GPC6: variants seen among roughly 807,000 people sequenced by gnomAD.
GPC6 encodes the protein glypican-6.
Under a neutral mutation model 55.2 loss-of-function variants are expected in GPC6, and 14 were observed. That is an observed-to-expected ratio of 0.25 (90% CI 0.17 to 0.40). GPC6 has a LOEUF of 0.40. GPC6 is among the 10% of genes least tolerant of loss of function. The pLI is 1.00. For synonymous variants in GPC6, 278 were observed against 259.6 expected, an observed-to-expected ratio of 1.07 and a Z score of -0.68; for missense variants, 641 against 708.5, an observed-to-expected ratio of 0.90 and a Z score of 1.08.
chr13:93,218,318 TA>T, the GPC6 span, among the ~76,000 whole-genome samples: 12 of 152,282 alleles, frequency 7.9e-5, no homozygotes, highest in African/African-American at 2.9e-4. Flanking sequence ...TGATGTGTTA[TA>T]TGAAGCTAAA....
chr13:93,305,253 G>T (rs1173058221), intron 1 of GPC6, among the ~76,000 whole-genome samples: 10 of 149,418 alleles, frequency 6.7e-5, no homozygotes, highest in African/African-American at 2.0e-4. Context: ...CGTTTTTTTT[G>T]TGTGTGTGTT....
chr13:93,552,393 G>A (rs1875206432), intron 2 of GPC6, among the ~76,000 whole-genome samples: 1 of 151,982 alleles, frequency 6.6e-6, no homozygotes, highest in African/African-American at 2.4e-5. Context: ...TAAATGTGGT[G>A]CATGTAGAAC....
At chr13:93,980,805 A>G (rs1306449548) in intron 3 of GPC6, among the ~76,000 whole-genome samples, 1 of 151,948 alleles carries the variant, frequency 6.6e-6, no homozygotes, top group East Asian at 1.9e-4. Context: ...GGTGCTCTGG[A>G]GCTCCTCTTT....
intron 1 of GPC6, among the ~76,000 whole-genome samples, chr13:93,510,316 C>T (rs964749990): frequency 2.0e-5 from 3 of 152,096 alleles, no homozygotes; most frequent in African/African-American, 7.2e-5. Context: ...TCTTCCCTCT[C>T]CCCCAAATCA....
intron 1 of GPC6, among the ~76,000 whole-genome samples, chr13:93,472,444 G>T (rs373884832): frequency 6.6e-6 from 1 of 152,202 alleles, no homozygotes; most frequent in Non-Finnish European, 1.5e-5. Flanking sequence ...CTGTAGACAC[G>T]CTGGCTGCTG....
rs1172760699 is a variant in GPC6 at position 94,329,988 on chromosome 13, A to G, written c.1152+23865A>G. ...AGGTACTGCGCATTGCTGAACTTGA[A>G]TATGCCTTCTGAGAGGCTCCTACCA... On this transcript the variant is annotated intron_variant, in intron 6 of 8. Transcript: ENST00000377047. 2.0e-5 allele frequency among the ~76,000 whole-genome samples: 3 copies of G among 152,194 alleles called. No individual in the cohort carries two copies. In the East Asian group the frequency reaches 5.8e-4, roughly 29 times the overall value.
intron 1 of GPC6, among the ~76,000 whole-genome samples, chr13:93,375,291 A>G (rs1198793457): frequency 6.6e-6 from 1 of 152,220 alleles, no homozygotes; most frequent in Non-Finnish European, 1.5e-5. Context: ...CGGTAATGTA[A>G]TAACACAGCA....
At chr13:93,970,264 G>A (rs571589878) in intron 3 of GPC6, among the ~76,000 whole-genome samples, 2 of 152,118 alleles carry the variant, frequency 1.3e-5, no homozygotes, top group Admixed American at 6.6e-5. Context: ...AAAAATTTGG[G>A]GTGCCATAAA....
intron 3 of GPC6, among the ~76,000 whole-genome samples, chr13:93,854,632 A>T (rs893773489): frequency 6.6e-6 from 1 of 151,774 alleles, no homozygotes; most frequent in African/African-American, 2.4e-5. Context: ...TTTAAGAAGC[A>T]TCTACATACA....
intron 2 of GPC6, among the ~76,000 whole-genome samples, chr13:93,795,156 A>G (rs1313833686): frequency 6.6e-6 from 1 of 152,242 alleles, no homozygotes; most frequent in Non-Finnish European, 1.5e-5. Flanking sequence ...CAAGTTTATT[A>G]CATCTACCCT....
chr13:93,503,610 C>T (rs1243050872), intron 1 of GPC6, among the ~76,000 whole-genome samples: 1 of 152,052 alleles, frequency 6.6e-6, no homozygotes, highest in Non-Finnish European at 1.5e-5. Context: ...CCTGTTATTG[C>T]TGGATATTCC....
intron 1 of GPC6, among the ~76,000 whole-genome samples, chr13:93,401,316 A>G (rs918154656): frequency 1.3e-5 from 2 of 151,968 alleles, no homozygotes; most frequent in African/African-American, 4.8e-5. Context: ...ACAGTCAACA[A>G]GGGAGGGCAG....
At chr13:94,027,111 C>T (rs1242634959) in intron 3 of GPC6, among the ~76,000 whole-genome samples, 1 of 152,162 alleles carries the variant, frequency 6.6e-6, no homozygotes, top group Admixed American at 6.5e-5. Context: ...ATTTCATTGT[C>T]AGTGGATACG....
intron 4 of GPC6, among the ~76,000 whole-genome samples, chr13:94,112,956 C>T (rs985706270): frequency 2.0e-5 from 3 of 151,998 alleles, no homozygotes; most frequent in Non-Finnish European, 2.9e-5. Context: ...TGGAGTTGGG[C>T]CTGTTAATTA....
chr13:94,265,087 A>G (rs1297012797), intron 4 of GPC6, among the ~76,000 whole-genome samples: 1 of 152,230 alleles, frequency 6.6e-6, no homozygotes, highest in Non-Finnish European at 1.5e-5. Context: ...CTGCCAGACC[A>G]TATCAACTTG....
chr13:93,903,022 T>G (rs1393471600), intron 3 of GPC6, among the ~76,000 whole-genome samples: 1 of 152,176 alleles, frequency 6.6e-6, no homozygotes, highest in Non-Finnish European at 1.5e-5. Flanking sequence ...AAACTGGATA[T>G]TCACACAGGT....
At chr13:93,508,663 A>G (rs188920253) in intron 1 of GPC6, among the ~76,000 whole-genome samples, 1 of 152,342 alleles carries the variant, frequency 6.6e-6, no homozygotes, top group African/African-American at 2.4e-5. Flanking sequence ...CATGTCCAGC[A>G]CAGGTGGCAG....
chr13:94,083,365 A>G (rs190222457), intron 4 of GPC6, among the ~76,000 whole-genome samples: 100 of 152,144 alleles, frequency 6.6e-4, no homozygotes, highest in Admixed American at 1.4e-3. Context: ...TGATGCGCCC[A>G]CCTTGGCCTC....
chr13:94,238,123 G>A (rs1170294320), intron 4 of GPC6, among the ~76,000 whole-genome samples: 1 of 152,112 alleles, frequency 6.6e-6, no homozygotes, highest in Non-Finnish European at 1.5e-5. Flanking sequence ...GGATCTTTGG[G>A]GGATAGAAAT....
Sources: allele counts gnomAD v4.1 joint callset (sites outside exome capture counted in the v4.1 genomes callset), GRCh38; gene constraint gnomAD v4.1.1; transcripts MANE v1.5; gene names NCBI Gene and HGNC (gene_info 2026-07-23, HGNC 2026-07-21).